TMEFF1: variants seen among roughly 807,000 people sequenced by gnomAD.
TMEFF1 encodes the protein transmembrane protein with EGF like and two follistatin like domains 1.
TMEFF1 carries 20 observed loss-of-function variants against 47.5 expected under a neutral mutation model. That is an observed-to-expected ratio of 0.42 (90% confidence interval 0.30 to 0.61). TMEFF1 has a LOEUF of 0.61. TMEFF1 is among the 20% of genes least tolerant of loss of function. TMEFF1 has a pLI of 0.19. For synonymous variants in TMEFF1, 162 were observed against 166.3 expected (o/e 0.97, Z 0.20); for missense variants, 411 against 471.1 (o/e 0.87, Z 1.18).
chr9:100,478,931 G>A (rs143910515), intron 1 of TMEFF1, among the ~76,000 whole-genome samples: 4 of 152,310 alleles, frequency 2.6e-5, no homozygotes, highest in East Asian at 3.9e-4. Flanking sequence ...GTGGCATTTC[G>A]TGATAGATAT....
intron 5 of TMEFF1, among the ~76,000 whole-genome samples, chr9:100,530,235 A>T (rs867057861): frequency 2.0e-5 from 3 of 152,128 alleles, no homozygotes; most frequent in African/African-American, 7.2e-5. Flanking sequence ...GCAAGAAATA[A>T]CTAAAATCAG....
rs2118205640 is a variant in TMEFF1, at chr9:100,473,390, A to G, written c.-155A>G. ...AGCGCCGCGGGCCCGGGCCTGGCGG[A>G]CGCTGCGGGTGGGGCGGGGATGCTG... On this transcript the variant is annotated 5_prime_UTR_variant, in exon 1 of 10. Transcript: ENST00000374879. This position sits in a 1 kb window ranked among gnomAD's most constrained non-coding sequence, Gnocchi z 5.4. 2.1e-6 allele frequency: 1 copy of G among 477,672 alleles called. No homozygotes were observed. The allele number at this position is 477,672 out of a possible 1,614,324, so 29.6% of individuals were successfully genotyped here.
chr9:100,549,141 A>G (rs146254503), intron 6 of TMEFF1, among the ~76,000 whole-genome samples: 26 of 152,290 alleles, frequency 1.7e-4, no homozygotes, highest in African/African-American at 4.8e-4. Flanking sequence ...AAGAGGTATA[A>G]TTGGCTTACA....
At chr9:100,553,885 C>T (rs1376293343) in intron 7 of TMEFF1, among the ~76,000 whole-genome samples, 1 of 152,094 alleles carries the variant, frequency 6.6e-6, no homozygotes, top group Non-Finnish European at 1.5e-5. Flanking sequence ...ATGCACAAAT[C>T]TTGACCAATG....
chr9:100,484,601 G>T (rs1837413028), intron 1 of TMEFF1, among the ~76,000 whole-genome samples: 1 of 151,596 alleles, frequency 6.6e-6, no homozygotes, highest in Admixed American at 6.6e-5. Context: ...TTACAGGTGT[G>T]AGCCGCCGCG....
At chr9:100,553,623 T>C (rs1406794256) in intron 7 of TMEFF1, among the ~76,000 whole-genome samples, 1 of 152,224 alleles carries the variant, frequency 6.6e-6, no homozygotes, top group Non-Finnish European at 1.5e-5. Flanking sequence ...AATTGGGGTG[T>C]TAGAAGCTCT....
chr9:100,557,668 A>G (rs1370916141), intron 7 of TMEFF1, among the ~76,000 whole-genome samples: 1 of 152,040 alleles, frequency 6.6e-6, no homozygotes, highest in Non-Finnish European at 1.5e-5. Context: ...TTCTCCTTTC[A>G]ATTTGAACTT....
At chr9:100,537,202 C>G (rs1400843115) in intron 5 of TMEFF1, among the ~76,000 whole-genome samples, 1 of 152,118 alleles carries the variant, frequency 6.6e-6, no homozygotes, top group African/African-American at 2.4e-5. Context: ...TAATGCAATC[C>G]TGCCTGTGTT....
intron 8 of TMEFF1, among the ~76,000 whole-genome samples, chr9:100,562,900 C>T (rs1839047866): frequency 6.6e-6 from 1 of 152,200 alleles, no homozygotes; most frequent in African/African-American, 2.4e-5. Flanking sequence ...TCACTGCAAC[C>T]TCCGCCTCCT....
chr9:100,528,417 T>G (rs1335002266), intron 5 of TMEFF1, among the ~76,000 whole-genome samples: 1 of 145,958 alleles, frequency 6.9e-6, no homozygotes, highest in African/African-American at 2.6e-5. Flanking sequence ...GGGCTGAAAA[T>G]CAAGGCTCGA....
chr9:100,575,263 G>T (rs1839328851), intron 9 of TMEFF1, among the ~76,000 whole-genome samples: 1 of 152,152 alleles, frequency 6.6e-6, no homozygotes, highest in Non-Finnish European at 1.5e-5. Flanking sequence ...TATCAAGACT[G>T]CATGAGTCAA....
chr9:100,509,260 T>C (rs1587827984), intron 3 of TMEFF1, 126 bp downstream of exon 3: 1 of 1,288,262 alleles, frequency 7.8e-7, no homozygotes, highest in African/African-American at 1.5e-5. Flanking sequence ...TTGCGGGGAG[T>C]AGGGGAAATC....
At chr9:100,573,449 A>C (rs1411796355) in intron 9 of TMEFF1, among the ~76,000 whole-genome samples, 1 of 152,184 alleles carries the variant, frequency 6.6e-6, no homozygotes, top group African/African-American at 2.4e-5. Context: ...GAGTAGAAAT[A>C]CATAAGTCAG....
chr9:100,510,519 G>T lies in TMEFF1; in HGVS notation c.436+1385G>T, dbSNP rs569514822. Among the ~76,000 whole-genome samples, 3 of 152,304 alleles carry T rather than the reference G, an allele frequency of 2.0e-5. No homozygotes were observed. The East Asian group carries it at 5.8e-4, about 29-fold the overall frequency. ...GCATCTCACTCTGTTCCTCAGGCTG[G>T]AGTGCAGTGGCACGATCATGACTCA... On this transcript the variant is annotated intron_variant, in intron 3 of 9. Coordinates refer to ENST00000374879, the MANE Select transcript of TMEFF1 (RefSeq NM_003692.5).
intron 1 of TMEFF1, among the ~76,000 whole-genome samples, chr9:100,491,403 A>G (rs904722120): frequency 3.3e-5 from 5 of 152,258 alleles, no homozygotes; most frequent in Non-Finnish European, 7.3e-5. Context: ...TTAAAGGACA[A>G]GGTGAAAAGT....
At chr9:100,513,249 T>C in intron 3 of TMEFF1, 58 bp from the exon 4 acceptor site, 1 of 1,574,866 alleles carries the variant, frequency 6.3e-7, no homozygotes, top group Non-Finnish European at 8.6e-7. Context: ...TTTTATTATT[T>C]GATAAGATGA....
rs557400772 is a variant in TMEFF1, at chr9:100,547,186, T to A, written c.561-558T>A. On this transcript the variant is annotated intron_variant, in intron 5 of 9. Transcript: ENST00000374879. ...ACACACCACTGTGCCTGGCTAAGTTTTTTATTTTTTGTAGAGATGGGGTCT... is the reference window on the plus strand; with the variant it reads ...ACACACCACTGTGCCTGGCTAAGTTATTTATTTTTTGTAGAGATGGGGTCT... Among the ~76,000 whole-genome samples, 424 of 152,136 alleles carry A rather than the reference T, an allele frequency of 2.8e-3. 1 individual carries two copies. Among genetic ancestry groups the A allele is most frequent in the Middle Eastern group, 0.017 (5 of 292 alleles).
chr9:100,514,900 T>C (rs890763368), intron 4 of TMEFF1, among the ~76,000 whole-genome samples: 2 of 151,742 alleles, frequency 1.3e-5, no homozygotes, highest in Admixed American at 6.6e-5. Context: ...GAGGCTGAGG[T>C]AGGAGAATTG....
intron 2 of TMEFF1, among the ~76,000 whole-genome samples, chr9:100,504,881 C>T (rs187268226): frequency 1.8e-3 from 274 of 152,286 alleles, no homozygotes; most frequent in Middle Eastern, 6.8e-3. Flanking sequence ...AGAATTAATG[C>T]TTCATTTTAA....
Sources: allele counts gnomAD v4.1 joint callset (sites outside exome capture counted in the v4.1 genomes callset), GRCh38; gene constraint gnomAD v4.1.1; non-coding constraint Gnocchi (gnomAD v3.1); transcripts MANE v1.5; gene names NCBI Gene and HGNC (gene_info 2026-07-23, HGNC 2026-07-21).